The following GHITM variants were observed in gnomAD, a reference collection of about 807,000 sequenced individuals.
GHITM encodes the protein growth hormone-inducible transmembrane protein.
A neutral mutation model predicts 38.7 loss-of-function variants in GHITM; 24 were observed. The observed-to-expected ratio is 0.62, with a 90% CI of 0.45 to 0.87. The LOEUF is 0.87. Ranked by LOEUF, GHITM falls within the 40% of genes least tolerant of loss-of-function variation. The pLI is 0.00. For synonymous variants in GHITM, 154 were observed against 147.8 expected (o/e 1.04, Z -0.30); for missense variants, 420 against 429.8 (o/e 0.98, Z 0.20).
chr10:84,143,704 T>G (rs1841530338), intron 3 of GHITM, among the ~76,000 whole-genome samples: 1 of 152,224 alleles, frequency 6.6e-6, no homozygotes, highest in South Asian at 2.1e-4. Flanking sequence ...ATAATAGGTA[T>G]CACAGAAGTA....
At chr10:84,146,806 A>G (rs1053887139) in intron 5 of GHITM, among the ~76,000 whole-genome samples, 1 of 152,238 alleles carries the variant, frequency 6.6e-6, no homozygotes, top group Non-Finnish European at 1.5e-5. Context: ...AATACAGAAA[A>G]TAGGAAAGCC....
At chr10:84,140,741 G>T (rs540152691) in intron 1 of GHITM, among the ~76,000 whole-genome samples, 2 of 152,096 alleles carry the variant, frequency 1.3e-5, no homozygotes, top group South Asian at 4.2e-4. Flanking sequence ...CTGGAGCTAA[G>T]ATAATCCAGT....
At chr10:84,144,186 A>G (rs1589275096) in intron 4 of GHITM, 80 bp downstream of exon 4, 1 of 828,096 alleles carries the variant, frequency 1.2e-6, no homozygotes, top group East Asian at 2.4e-5. Flanking sequence ...TCTCATTCCT[A>G]TCTTTAGTCA....
chr10:84,148,110 A>G (rs1464157384), intron 5 of GHITM, among the ~76,000 whole-genome samples: 1 of 152,120 alleles, frequency 6.6e-6, no homozygotes, highest in African/African-American at 2.4e-5. Context: ...CCTCTGTCCA[A>G]CAAGAGTAAA....
At chr10:84,141,425 T>C (rs1366874268) in intron 1 of GHITM, 37 bp from the exon 2 acceptor site, 10 of 1,383,870 alleles carry the variant, frequency 7.2e-6, no homozygotes, top group East Asian at 4.6e-5. Context: ...GTTTTACTTA[T>C]GTTTTTTTGG....
chr10:84,141,750 C>T, intron 2 of GHITM, 121 bp downstream of exon 2: 1 of 855,768 alleles, frequency 1.2e-6, no homozygotes, highest in African/African-American at 1.7e-5. Context: ...ATAATATCCC[C>T]AATCAGCTCT....
At position 84,152,429 on chromosome 10, in the gene GHITM, C is replaced by A; in HGVS notation, c.*81C>A. On this transcript the variant is annotated 3_prime_UTR_variant, in exon 9 of 9. Coordinates refer to ENST00000372134, the MANE Select transcript of GHITM (RefSeq NM_014394.3). ...ATATGCATTAAATAGTTTGTACAAG[C>A]AGCTTTCGTTGAAGTTTAGAAGATA... The A allele has an allele frequency of 1.4e-6, 1 of 705,666 alleles. No homozygotes were observed. The highest frequency in any genetic ancestry group is 1.8e-5 in the African/African-American group (1 of 55,300). The allele number at this position is 705,666 out of a possible 1,614,324, so 43.7% of individuals were successfully genotyped here.
chr10:84,144,736 A>C (rs758429769), intron 4 of GHITM, 139 bp from the exon 5 acceptor site: 1 of 526,184 alleles, frequency 1.9e-6, no homozygotes, highest in Non-Finnish European at 3.4e-6. Flanking sequence ...CATAATTATC[A>C]TAATTATTTC....
rs756349983 is a variant in GHITM at position 84,141,624 on chromosome 10, A to G, written c.124A>G (p.Ser42Gly). The G allele has an allele frequency of 6.2e-7, 1 of 1,613,686 alleles. No individual in the cohort carries two copies. Among genetic ancestry groups the G allele is most frequent in the African/African-American group, 1.3e-5 (1 of 74,924 alleles). The change falls in exon 2 of 9, where the codon AGC becomes GGC. Residue 42 changes from serine to glycine, a missense_variant. Coordinates refer to ENST00000372134, the MANE Select transcript of GHITM (RefSeq NM_014394.3). The part of the protein sequence containing the change: ...ITKNQWLLTP[S>G]REYATKTRIG... The stretch of plus-strand genomic sequence containing the variant: ...GAAGAATCAATGGCTGTTAACACCT[A>G]GCAGGGTAAAGATAATCTGAATGTT...
At chr10:84,145,163 C>A in intron 5 of GHITM, 147 bp downstream of exon 5, 1 of 558,470 alleles carries the variant, frequency 1.8e-6, no homozygotes, top group Non-Finnish European at 2.9e-6. Flanking sequence ...GTTGAGCATC[C>A]CTAATTTAAA....
Position 84,150,824 on chromosome 10 carries a change from C to A in GHITM, c.897C>A (p.Ile299=), listed in dbSNP as rs1841605008. 6.2e-7 allele frequency: 1 copy of A among 1,611,246 alleles called. No homozygotes were observed. Residue 299 remains isoleucine, a synonymous_variant, in exon 8 of 9, where the codon ATC becomes ATA. Transcript: ENST00000372134. ...MFLLYDTQKV[I]KRAEVSPMYG... ...TTCTGTATGATACCCAGAAAGTAAT[C>A]AAGCGTGCAGAAGTATCACCAATGT... is the stretch of plus-strand genomic sequence containing the variant.
chr10:84,148,054 A>G (rs532017822), intron 5 of GHITM, among the ~76,000 whole-genome samples: 1 of 152,228 alleles, frequency 6.6e-6, no homozygotes, highest in South Asian at 2.1e-4. Flanking sequence ...TATATTTTTT[A>G]ATTAAGAGTT....
chr10:84,142,879 G>A (rs1841521239), intron 3 of GHITM, 125 bp downstream of exon 3: 1 of 514,628 alleles, frequency 1.9e-6, no homozygotes, highest in African/African-American at 2.0e-5. Flanking sequence ...ATTATTCTGA[G>A]ATCTGACGAC....
chr10:84,143,856 G>A, intron 3 of GHITM, 139 bp from the exon 4 acceptor site: 1 of 607,308 alleles, frequency 1.6e-6, no homozygotes, highest in Non-Finnish European at 3.0e-6. Flanking sequence ...ACCTAACATT[G>A]AGGCAATTTC....
At chr10:84,141,683 CT>C in intron 2 of GHITM, 54 bp downstream of exon 2, 2 of 1,580,092 alleles carry the variant, frequency 1.3e-6, no homozygotes, top group Non-Finnish European at 1.7e-6. Flanking sequence ...TGTGCCCTTT[CT>C]TTTTGGCAGA....
Position 84,152,501 on chromosome 10 carries a change from G to A in GHITM, c.*153G>A. 2.2e-6 allele frequency: 1 copy of A among 448,880 alleles called. No homozygotes were observed. The highest frequency in any genetic ancestry group is 4.0e-6 in the Non-Finnish European group (1 of 252,494). The allele number at this position is 448,880 out of a possible 1,614,324, so 27.8% of individuals were successfully genotyped here. Reference sequence around the variant, plus strand: ...AATGTTCCGGTAATGTGATGCCTCAGGTCTGCCTTTTTTTCTGGAGAATAA... The same window carrying A: ...AATGTTCCGGTAATGTGATGCCTCAAGTCTGCCTTTTTTTCTGGAGAATAA... On this transcript the variant is annotated 3_prime_UTR_variant, in exon 9 of 9. Transcript: ENST00000372134.
chr10:84,150,438 A>T (rs1030663001), intron 7 of GHITM, among the ~76,000 whole-genome samples, 195 bp downstream of exon 7: 2 of 152,272 alleles, frequency 1.3e-5, no homozygotes, highest in African/African-American at 4.8e-5. Flanking sequence ...TGGCTTTACC[A>T]AACACATCTA....
Position 84,142,523 on chromosome 10 carries a change from T to G in GHITM, c.130-132T>G, listed in dbSNP as rs552415688. On this transcript the variant is annotated intron_variant, in intron 2 of 8. Transcript: ENST00000372134. ...TAAGTTGGCTAATAAATTTCCATAG[T>G]GAAGTTAGGTATATAGAAAGTACCA... 2.8e-5 allele frequency: 12 copies of G among 435,650 alleles called. No homozygotes were observed. In the East Asian group the frequency reaches 4.3e-4, roughly 16 times the overall value. The allele number at this position is 435,650 out of a possible 1,614,324, so 27.0% of individuals were successfully genotyped here.
At chr10:84,144,464 T>G (rs1841538294) in intron 4 of GHITM, among the ~76,000 whole-genome samples, 1 of 152,202 alleles carries the variant, frequency 6.6e-6, no homozygotes, top group Non-Finnish European at 1.5e-5. Flanking sequence ...CAGGCAATTC[T>G]CCTGCCTCAG....
Sources: gnomAD v4.1 joint callset for allele counts (sites outside exome capture counted in the v4.1 genomes callset) on GRCh38, gnomAD v4.1.1 for gene constraint, MANE v1.5 for transcripts, NCBI Gene and HGNC (gene_info 2026-07-23, HGNC 2026-07-21) for gene names.